The following EXOC4 variants were observed in gnomAD, a reference collection of about 807,000 sequenced individuals.
The protein encoded by EXOC4 is SEC8-like 1.
Under a neutral mutation model 107.2 loss-of-function variants are expected in EXOC4, and 71 were observed. The ratio of observed to expected loss-of-function variants is 0.66; its 90% CI spans 0.55 to 0.81. EXOC4 has a LOEUF of 0.81. EXOC4 is among the 30% of genes least tolerant of loss of function. The pLI, the probability that EXOC4 is intolerant of heterozygous loss-of-function variation, is 0.00. For missense variants in EXOC4, 1,108 were observed against 1,189.6 expected (o/e 0.93, Z 1.01); for synonymous variants, 456 against 441.2 (o/e 1.03, Z -0.42).
intron 5 of EXOC4, among the ~76,000 whole-genome samples, chr7:133,338,810 A>G (rs1795591109): frequency 7.2e-6 from 1 of 138,796 alleles, no homozygotes; most frequent in Non-Finnish European, 1.5e-5. Context: ...CTGGAGTGCA[A>G]TGGGGCGATC....
chr7:133,964,492 C>T (rs568325948), intron 14 of EXOC4, among the ~76,000 whole-genome samples: 8 of 152,182 alleles, frequency 5.3e-5, no homozygotes, highest in African/African-American at 1.4e-4. Flanking sequence ...CCCGACCTCC[C>T]GACAGGCCCC....
At chr7:133,568,725 T>G (rs1380793712) in intron 9 of EXOC4, among the ~76,000 whole-genome samples, 2 of 152,154 alleles carry the variant, frequency 1.3e-5, no homozygotes, top group Non-Finnish European at 2.9e-5. Context: ...TAAGAAGTGT[T>G]ATGGTAGAGA....
chr7:133,390,695 A>T (rs1796832862), intron 7 of EXOC4, among the ~76,000 whole-genome samples: 1 of 152,182 alleles, frequency 6.6e-6, no homozygotes, highest in African/African-American at 2.4e-5. Context: ...TCTCTCTTAT[A>T]TCCAGAGACT....
intron 10 of EXOC4, among the ~76,000 whole-genome samples, chr7:133,710,050 G>A (rs539652047): frequency 4.6e-5 from 7 of 152,250 alleles, no homozygotes; most frequent in Non-Finnish European, 1.0e-4. Context: ...CTTTGCCTAT[G>A]AGTGTTGTCA....
chr7:133,893,960 C>G (rs1429608366), intron 11 of EXOC4, among the ~76,000 whole-genome samples: 1 of 92,084 alleles, frequency 1.1e-5, no homozygotes, highest in Admixed American at 8.8e-5. Context: ...TTTCCTGAAT[C>G]TGAACGTTGG....
chr7:133,994,317 G>A (rs1191252374), intron 14 of EXOC4, among the ~76,000 whole-genome samples: 4 of 152,156 alleles, frequency 2.6e-5, no homozygotes, highest in Admixed American at 1.3e-4. Flanking sequence ...TGGCTGCATA[G>A]TATTCCGTGG....
At chr7:133,331,002 G>A (rs1795372450) in intron 5 of EXOC4, among the ~76,000 whole-genome samples, 1 of 151,560 alleles carries the variant, frequency 6.6e-6, no homozygotes, top group South Asian at 2.1e-4. Context: ...TTTAAATGAT[G>A]CAACAGGCCT....
chr7:133,773,685 T>C (rs750540474), intron 10 of EXOC4, among the ~76,000 whole-genome samples: 7 of 151,966 alleles, frequency 4.6e-5, no homozygotes, highest in Non-Finnish European at 1.0e-4. Flanking sequence ...ACTGATAATA[T>C]AAATTTTTGG....
intron 14 of EXOC4, among the ~76,000 whole-genome samples, chr7:133,993,114 T>C (rs539852999): frequency 1.8e-4 from 28 of 152,280 alleles, no homozygotes; most frequent in African/African-American, 6.7e-4. Flanking sequence ...TTGATCACAG[T>C]GAATGATATT....
At chr7:134,094,077 C>T in the EXOC4 span, among the ~76,000 whole-genome samples, 1 of 152,058 alleles carries the variant, frequency 6.6e-6, no homozygotes, top group South Asian at 2.1e-4. Flanking sequence ...AAAATCAGAG[C>T]ATAACTGAAA....
At chr7:133,332,007 T>A (rs531424763) in intron 5 of EXOC4, among the ~76,000 whole-genome samples, 1 of 152,336 alleles carries the variant, frequency 6.6e-6, no homozygotes, top group South Asian at 2.1e-4. Context: ...AGCCAATAAT[T>A]GTAGTAAAAT....
chr7:133,938,174 C>A, intron 14 of EXOC4, 105 bp downstream of exon 14: 2 of 1,116,086 alleles, frequency 1.8e-6, no homozygotes, highest in Non-Finnish European at 1.3e-6. Context: ...GGGGCGTGTC[C>A]CAAGCTGTCA....
intron 10 of EXOC4, among the ~76,000 whole-genome samples, chr7:133,740,738 C>A (rs1490967665): frequency 6.6e-6 from 1 of 152,100 alleles, no homozygotes; most frequent in African/African-American, 2.4e-5. Flanking sequence ...ATAATAATTG[C>A]ATCTACTTGT....
At chr7:133,710,855 T>C (rs762877479) in intron 10 of EXOC4, among the ~76,000 whole-genome samples, 3 of 151,392 alleles carry the variant, frequency 2.0e-5, no homozygotes, top group Non-Finnish European at 4.4e-5. Context: ...TTCTTTTCTA[T>C]AGAGTAATCC....
intron 17 of EXOC4, among the ~76,000 whole-genome samples, chr7:134,056,625 C>G (rs748750907): frequency 6.6e-6 from 1 of 152,182 alleles, no homozygotes; most frequent in African/African-American, 2.4e-5. Context: ...TTTAATTGTA[C>G]TGAATTTAAA....
intron 11 of EXOC4, among the ~76,000 whole-genome samples, chr7:133,830,739 A>C: frequency 6.6e-6 from 1 of 152,202 alleles, no homozygotes; most frequent in Admixed American, 6.5e-5. Context: ...ACTGTGGTGC[A>C]TTTGTTACAA....
intron 11 of EXOC4, among the ~76,000 whole-genome samples, chr7:133,866,833 GCTAA>G (rs1469252110): frequency 3.9e-5 from 6 of 152,192 alleles, no homozygotes; most frequent in African/African-American, 9.6e-5. Flanking sequence ...TGACAATCAA[GCTAA>G]CTAACACATC....
chr7:134,030,236 A>G (rs1337559703), intron 17 of EXOC4, among the ~76,000 whole-genome samples: 1 of 152,208 alleles, frequency 6.6e-6, no homozygotes, highest in Non-Finnish European at 1.5e-5. Flanking sequence ...TATACCCAAG[A>G]GAAATGAAAA....
intron 10 of EXOC4, among the ~76,000 whole-genome samples, chr7:133,706,370 CACAA>C (rs536328983): frequency 1.8e-4 from 28 of 152,198 alleles, no homozygotes; most frequent in Admixed American, 9.8e-4. Context: ...AGGAGATGTG[CACAA>C]ACATATTAGT....
Sources: gnomAD v4.1 joint callset for allele counts (sites outside exome capture counted in the v4.1 genomes callset) on GRCh38, gnomAD v4.1.1 for gene constraint, MANE v1.5 for transcripts, NCBI Gene and HGNC (gene_info 2026-07-23, HGNC 2026-07-21) for gene names.